Variants in CASC3 observed in about 807,000 individuals in gnomAD.
CASC3 encodes the protein CASC3 exon junction complex subunit, also known as protein CASC3.
CASC3 carries 30 observed loss-of-function variants against 80.5 expected under a neutral mutation model. That is an observed-to-expected ratio of 0.37 (90% CI 0.28 to 0.51). The LOEUF (loss-of-function observed/expected upper bound fraction) is 0.51. Ranked by LOEUF, CASC3 falls within the 20% of genes least tolerant of loss-of-function variation. The pLI is 0.94. For synonymous variants in CASC3, 312 were observed against 333.6 expected (o/e 0.94, Z 0.70); for missense variants, 824 against 922.2 (o/e 0.89, Z 1.38).
At chr17:40,157,694 A>T (rs1004200227) in intron 3 of CASC3, among the ~76,000 whole-genome samples, 2 of 152,146 alleles carry the variant, frequency 1.3e-5, no homozygotes, top group African/African-American at 2.4e-5. Flanking sequence ...TAAATAATAA[A>T]TAAAATATAA....
rs1358839788 is a variant in CASC3 at position 40,160,862 on chromosome 17, C to A, written c.298-891C>A. Among the ~76,000 whole-genome samples, 7 of 152,028 alleles carry A rather than the reference C, an allele frequency of 4.6e-5. No homozygotes were observed. In the East Asian group the frequency reaches 1.2e-3, roughly 25 times the overall value. On this transcript the variant is annotated intron_variant, in intron 3 of 13. Coordinates refer to ENST00000264645, the MANE Select transcript of CASC3 (RefSeq NM_007359.5). ...CTGGGATTACAGGTGTAAGCCACTG[C>A]GCCCAGCCTGCCACTTTTAATAATT...
Position 40,164,186 on chromosome 17 carries a change from T to C in CASC3, c.1471+20T>C. ...TTCGAGGTAGGTATCATAGGATTGG[T>C]GGCTAGCTTTTTCCCCTTTGCATCA... On this transcript the variant is annotated intron_variant, in intron 7 of 13. Coordinates refer to ENST00000264645, the MANE Select transcript of CASC3 (RefSeq NM_007359.5). The C allele has an allele frequency of 6.4e-7, 1 of 1,563,334 alleles. No individual in the cohort carries two copies. The highest frequency in any genetic ancestry group is 8.6e-7 in the Non-Finnish European group (1 of 1,158,248).
intron 7 of CASC3, among the ~76,000 whole-genome samples, chr17:40,164,396 T>A (rs1383445528): frequency 6.6e-6 from 1 of 152,022 alleles, no homozygotes; most frequent in Non-Finnish European, 1.5e-5. Flanking sequence ...CCTGAGTAGC[T>A]GGGGTTACAG....
At position 40,157,644 on chromosome 17, in the gene CASC3, C is replaced by T. The variant is rs1443555959; in HGVS notation, c.298-4109C>T. ...GAGCTGAGATCGCGCCATTGCACTCCAGCCTGGGCGACAGAGCAAGACTCT... is the reference window on the plus strand; with the variant it reads ...GAGCTGAGATCGCGCCATTGCACTCTAGCCTGGGCGACAGAGCAAGACTCT... On this transcript the variant is annotated intron_variant, in intron 3 of 13. Transcript: ENST00000264645. 3.3e-5 allele frequency among the ~76,000 whole-genome samples: 5 copies of T among 152,174 alleles called. No homozygotes were observed. The South Asian group carries it at 1.0e-3, about 32-fold the overall frequency.
chr17:40,158,291 GC>G (rs1381502463), intron 3 of CASC3, among the ~76,000 whole-genome samples: 2 of 152,138 alleles, frequency 1.3e-5, no homozygotes, highest in African/African-American at 2.4e-5. Flanking sequence ...GATTATTGGG[GC>G]CAGCCTGGGT....
chr17:40,162,755 G>A lies in CASC3; in HGVS notation c.639G>A (p.Lys213=), dbSNP rs559629095. The change falls in exon 6 of 14, where the codon AAG becomes AAA. Residue 213 remains lysine, a synonymous_variant. Transcript: ENST00000264645. The part of the protein sequence containing the change: ...RPKGRQRKLW[K]DEGRWEHDKF... ...AGGGGCGTCAGCGAAAGCTATGGAA[G>A]GATGAGGGTCGCTGGGAGCATGACA... 7 of 1,614,036 alleles carry A rather than the reference G, an allele frequency of 4.3e-6. No individual in the cohort carries two copies. Among genetic ancestry groups the A allele is most frequent in the Admixed American group, 1.7e-5 (1 of 60,004 alleles).
intron 3 of CASC3, among the ~76,000 whole-genome samples, chr17:40,150,313 A>G (rs1260340845): frequency 6.6e-6 from 1 of 152,158 alleles, no homozygotes; most frequent in African/African-American, 2.4e-5. Flanking sequence ...TCGAGGCCAC[A>G]GCAAGCTATG....
At chr17:40,145,404 C>G (rs1045031248) in intron 3 of CASC3, among the ~76,000 whole-genome samples, 1 of 145,822 alleles carries the variant, frequency 6.9e-6, no homozygotes, top group African/African-American at 2.5e-5. Flanking sequence ...CATCTCTTGA[C>G]GTCGTGATCC....
chr17:40,152,034 T>C (rs1989023663), intron 3 of CASC3, among the ~76,000 whole-genome samples: 1 of 152,238 alleles, frequency 6.6e-6, no homozygotes, highest in African/African-American at 2.4e-5. Flanking sequence ...TTAAGCTAAT[T>C]AACGTATCTA....
chr17:40,163,055 CAA>C (rs1328802702), intron 6 of CASC3, among the ~76,000 whole-genome samples, 154 bp downstream of exon 6: 3 of 94,344 alleles, frequency 3.2e-5, no homozygotes, highest in Non-Finnish European at 4.4e-5. Context: ...ACCCTGTCTC[CAA>C]AAAAAAAAAG....
Position 40,141,090 on chromosome 17 carries a change from C to T in CASC3, c.232-117C>T. On this transcript the variant is annotated intron_variant, in intron 1 of 13. Transcript: ENST00000264645. ...CTACTTGATAAAGATTTACCTATCT[C>T]TGTCTCCCTCTCCAACCATTTTGTG... 5 of 953,620 alleles carry T rather than the reference C, an allele frequency of 5.2e-6. No homozygotes were observed. The East Asian group carries it at 7.2e-5, about 14-fold the overall frequency. The allele number at this position is 953,620 out of a possible 1,614,324, so 59.1% of individuals were successfully genotyped here.
At chr17:40,141,681 A>G (rs1484496769) in intron 3 of CASC3, 74 bp downstream of exon 3, 2 of 1,088,398 alleles carry the variant, frequency 1.8e-6, no homozygotes, top group African/African-American at 3.1e-5. Context: ...CCTTCGTTGC[A>G]AACGTACCAT....
In CASC3 at chr17:40,162,028, A is replaced by G. The variant is rs1567682266; in HGVS notation, c.483A>G (p.Lys161=). Residue 161 remains lysine (K), a synonymous_variant, in exon 5 of 14, where the codon AAA becomes AAG. Coordinates refer to ENST00000264645, the MANE Select transcript of CASC3 (RefSeq NM_007359.5). ...GQESTEPVEN[K]VGKKGPKHLD... Reference sequence around the variant, plus strand: ...AGAGCACAGAGCCTGTGGAGAACAAAGTGGGTAAAAAGGGCCCTAAGCATT... The same window carrying G: ...AGAGCACAGAGCCTGTGGAGAACAAGGTGGGTAAAAAGGGCCCTAAGCATT... 1.9e-6 allele frequency: 3 copies of G among 1,614,082 alleles called. No individual in the cohort carries two copies. Among genetic ancestry groups the G allele is most frequent in the Non-Finnish European group, 1.7e-6 (2 of 1,180,004 alleles).
chr17:40,151,166 C>T (rs1334432737), intron 3 of CASC3, among the ~76,000 whole-genome samples: 5 of 151,980 alleles, frequency 3.3e-5, no homozygotes, highest in Non-Finnish European at 5.9e-5. Context: ...CCCAGGAGTT[C>T]GAGACCAGCC....
At chr17:40,167,651 G>A in intron 9 of CASC3, 39 bp downstream of exon 9, 1 of 1,518,948 alleles carries the variant, frequency 6.6e-7, no homozygotes, top group Non-Finnish European at 9.1e-7. Flanking sequence ...TTTCTTGGCA[G>A]GGTGAAGTGA....
rs774902038 is a variant in CASC3 at position 40,170,479 on chromosome 17, C to T, written c.*74C>T. The T allele has an allele frequency of 3.0e-6, 3 of 985,582 alleles. No homozygotes were observed. Among genetic ancestry groups the T allele is most frequent in the Non-Finnish European group, 3.6e-6 (3 of 829,950 alleles). 61.1% of individuals were successfully genotyped at this position (985,582 alleles called of 1,614,324 possible). A position where few individuals can be genotyped will look rare whatever the true frequency, so the allele number is the denominator to read the frequency against. On this transcript the variant is annotated 3_prime_UTR_variant, in exon 14 of 14. Coordinates refer to ENST00000264645, the MANE Select transcript of CASC3 (RefSeq NM_007359.5). The stretch of plus-strand genomic sequence containing the variant: ...GAGGTGAGAACTCAGAAGAGAAATA[C>T]AGCTGGCTATCTACTACCAGAAGGG...
chr17:40,157,570 G>A (rs1415068232), intron 3 of CASC3, among the ~76,000 whole-genome samples: 2 of 152,076 alleles, frequency 1.3e-5, no homozygotes, highest in Admixed American at 1.3e-4. Context: ...TGCTACTCAG[G>A]AGGCTGAGGC....
At position 40,171,420 on chromosome 17, in the gene CASC3, T is replaced by C. The variant is rs958937519; in HGVS notation, c.*1015T>C. On this transcript the variant is annotated 3_prime_UTR_variant, in exon 14 of 14. Transcript: ENST00000264645. ...CCCTTTTCCAGTTGCTGTGGACCAA[T>C]GCATCTCTTTAAAGGCAAATATTAT... 5.1e-6 allele frequency: 5 copies of C among 986,082 alleles called. No homozygotes were observed. Among genetic ancestry groups the C allele is most frequent in the Non-Finnish European group, 6.0e-6 (5 of 830,094 alleles). The allele number at this position is 986,082 out of a possible 1,614,324, so 61.1% of individuals were successfully genotyped here. A position where few individuals can be genotyped will look rare whatever the true frequency, so the allele number is the denominator to read the frequency against.
chr17:40,167,683 C>T (rs1006355301), intron 9 of CASC3, 71 bp downstream of exon 9: 36 of 1,341,700 alleles, frequency 2.7e-5, no homozygotes, highest in Non-Finnish European at 3.4e-5. Flanking sequence ...AGGCTCCTGG[C>T]TCCTGAATTT....
Sources: allele counts gnomAD v4.1 joint callset (sites outside exome capture counted in the v4.1 genomes callset), GRCh38; gene constraint gnomAD v4.1.1; transcripts MANE v1.5; gene names NCBI Gene and HGNC (gene_info 2026-07-23, HGNC 2026-07-21).